The following TANC2 variants were observed in gnomAD, a reference collection of about 807,000 sequenced individuals.
TANC2 encodes the protein tetratricopeptide repeat, ankyrin repeat and coiled-coil containing 2, also known as protein TANC2.
In TANC2, 26 loss-of-function variants were observed where a neutral mutation model predicts 210.5. That is an observed-to-expected ratio of 0.12 (90% CI 0.09 to 0.17). TANC2 has a LOEUF of 0.17. Ranked by LOEUF, TANC2 falls within the 10% of genes least tolerant of loss-of-function variation. The pLI, the probability that TANC2 is intolerant of heterozygous loss-of-function variation, is 1.00. For synonymous variants in TANC2, 931 were observed against 967.1 expected, an observed-to-expected ratio of 0.96 and a Z score of 0.69; for missense variants, 2,129 against 2,608.9, an observed-to-expected ratio of 0.82 and a Z score of 4.01.
chr17:63,411,722 A>G, intron 22 of TANC2, 36 bp downstream of exon 22: 1 of 1,579,850 alleles, frequency 6.3e-7, no homozygotes, highest in Non-Finnish European at 8.6e-7. Context: ...GAGAGCAGAG[A>G]GAGGGGCTAT....
At chr17:63,415,613 C>A in exon 26 of TANC2, 2 of 1,613,820 alleles carry the variant, frequency 1.2e-6, no homozygotes, top group Non-Finnish European at 1.7e-6. Flanking sequence ...GACTTGAAAA[C>A]TTTCCGGGAA....
At chr17:63,389,887 G>A (rs889558498) in intron 17 of TANC2, 1 of 319,860 alleles carries the variant, frequency 3.1e-6, no homozygotes, top group Non-Finnish European at 6.0e-6. Flanking sequence ...GGAGACTGCA[G>A]TGGCAGGTCT....
At chr17:63,408,841 T>A (rs2048599125) in intron 21 of TANC2, among the ~76,000 whole-genome samples, 1 of 152,242 alleles carries the variant, frequency 6.6e-6, no homozygotes, top group Non-Finnish European at 1.5e-5. Flanking sequence ...TGCAGTAAGT[T>A]GATCTCTGAT....
At chr17:63,241,948 A>G (rs775587789) in intron 8 of TANC2, among the ~76,000 whole-genome samples, 3 of 152,148 alleles carry the variant, frequency 2.0e-5, no homozygotes, top group African/African-American at 4.8e-5. Flanking sequence ...TTTTTGTAAT[A>G]TGCATTTAGC....
intron 8 of TANC2, among the ~76,000 whole-genome samples, chr17:63,255,056 ATTTT>A (rs1161201808): frequency 6.4e-5 from 9 of 141,050 alleles, no homozygotes; most frequent in African/African-American, 1.5e-4. Context: ...GGGAATAGTT[ATTTT>A]TTATTTATTT....
At chr17:63,095,289 CT>C (rs2037345704) in intron 3 of TANC2, among the ~76,000 whole-genome samples, 1 of 152,138 alleles carries the variant, frequency 6.6e-6, no homozygotes, top group Non-Finnish European at 1.5e-5. Context: ...GATCCTCCTA[CT>C]TCAGCCTTCC....
intron 1 of TANC2, among the ~76,000 whole-genome samples, chr17:62,992,467 A>G (rs1221095503): frequency 6.6e-6 from 1 of 152,222 alleles, no homozygotes; most frequent in Non-Finnish European, 1.5e-5. Context: ...TGTCATAATG[A>G]GTATACTATT....
chr17:63,165,328 G>A (rs1347240120), intron 5 of TANC2, among the ~76,000 whole-genome samples: 1 of 151,964 alleles, frequency 6.6e-6, no homozygotes, highest in African/African-American at 2.4e-5. Context: ...TGCCCAAAAA[G>A]CTTTCAAATT....
intron 15 of TANC2, among the ~76,000 whole-genome samples, chr17:63,382,643 C>T (rs1007896754): frequency 6.6e-6 from 1 of 152,108 alleles, no homozygotes; most frequent in Non-Finnish European, 1.5e-5. Context: ...ATGAATGTAA[C>T]AAATATAATA....
At chr17:63,392,147 G>A (rs1384760299) in intron 17 of TANC2, among the ~76,000 whole-genome samples, 1 of 152,154 alleles carries the variant, frequency 6.6e-6, no homozygotes, top group Non-Finnish European at 1.5e-5. Flanking sequence ...CATGGCTTCA[G>A]CATTAAAGTC....
intron 2 of TANC2, among the ~76,000 whole-genome samples, chr17:63,048,807 G>T (rs1029412292): frequency 6.6e-6 from 1 of 152,104 alleles, no homozygotes; most frequent in Non-Finnish European, 1.5e-5. Context: ...TGAGGGTGAA[G>T]GGTGGGAGGA....
intron 2 of TANC2, among the ~76,000 whole-genome samples, chr17:63,044,560 TC>T (rs766229810): frequency 2.0e-5 from 3 of 152,172 alleles, no homozygotes; most frequent in Admixed American, 6.6e-5. Flanking sequence ...TAAATAATGT[TC>T]CAGTGAATAT....
chr17:63,048,569 C>T (rs188096736), intron 2 of TANC2, among the ~76,000 whole-genome samples: 11 of 152,284 alleles, frequency 7.2e-5, no homozygotes, highest in Admixed American at 3.3e-4. Context: ...AGTCCTTTCA[C>T]CATTGCTTGT....
intron 2 of TANC2, among the ~76,000 whole-genome samples, chr17:63,017,870 G>A (rs749483218): frequency 3.3e-5 from 5 of 152,088 alleles, no homozygotes; most frequent in Admixed American, 1.3e-4. Context: ...AGCAGGGCGC[G>A]GTGACTCACT....
intron 1 of TANC2, among the ~76,000 whole-genome samples, chr17:62,975,543 C>CT (rs1326499810): frequency 1.8e-3 from 253 of 141,808 alleles, no homozygotes; most frequent in Non-Finnish European, 2.2e-3. Context: ...CATTTTCGGG[C>CT]TTTTTTTTTT....
In TANC2 at chr17:63,167,975, A is replaced by G. The variant is rs185334557; in HGVS notation, c.433+16595A>G. Among the ~76,000 whole-genome samples the G allele has an allele frequency of 7.2e-4, 109 of 152,054 alleles. 2 individuals carry two copies. The highest frequency in any genetic ancestry group is 2.5e-3 in the African/African-American group (103 of 41,488). ...TTGCATTATTGCTAGCTCCCATTCT[A>G]TACCCTAAAGCTAGGCATCTAAATA... On this transcript the variant is annotated intron_variant, in intron 5 of 27. Transcript: ENST00000689528.
chr17:63,373,840 G>A (rs975382679), intron 14 of TANC2, among the ~76,000 whole-genome samples: 1 of 152,016 alleles, frequency 6.6e-6, no homozygotes, highest in African/African-American at 2.4e-5. Context: ...AATTAGCCGG[G>A]CATGGTGGTG....
chr17:63,114,455 T>C lies in TANC2; in HGVS notation c.322+15098T>C, dbSNP rs141834237. Among the ~76,000 whole-genome samples the C allele has an allele frequency of 3.8e-3, 572 of 152,346 alleles. 4 individuals carry two copies. The highest frequency in any genetic ancestry group is 0.013 in the African/African-American group (554 of 41,578). On this transcript the variant is annotated intron_variant, in intron 4 of 27. Coordinates refer to ENST00000689528, the Ensembl canonical transcript of TANC2. Reference sequence around the variant, plus strand: ...GGATCACATATATGATTTTTAAGAATATATTTCTTTTTCTTCTCTGTCACT... The same window carrying C: ...GGATCACATATATGATTTTTAAGAACATATTTCTTTTTCTTCTCTGTCACT...
intron 8 of TANC2, among the ~76,000 whole-genome samples, chr17:63,254,215 A>G (rs549410744): frequency 1.3e-5 from 2 of 151,838 alleles, no homozygotes; most frequent in South Asian, 4.2e-4. Context: ...ACTTAAATGT[A>G]TTCCTAGTTA....
Sources: allele counts gnomAD v4.1 joint callset (sites outside exome capture counted in the v4.1 genomes callset), GRCh38; gene constraint gnomAD v4.1.1; transcripts MANE v1.5; gene names NCBI Gene and HGNC (gene_info 2026-07-23, HGNC 2026-07-21).